EGFR: variants seen among roughly 807,000 people sequenced by gnomAD.
EGFR encodes the protein avian erythroblastic leukemia viral (v-erb-b) oncogene homolog.
Under a neutral mutation model 143.0 loss-of-function variants are expected in EGFR, and 58 were observed. The observed-to-expected ratio is 0.41, with a 90% CI of 0.33 to 0.50. The LOEUF is 0.50. Among genes scored for constraint, EGFR ranks in the 20% least tolerant of loss-of-function variants. EGFR has a pLI of 0.39. For missense variants in EGFR, 1,307 were observed against 1,579.0 expected, an observed-to-expected ratio of 0.83 and a Z score of 2.92; for synonymous variants, 613 against 594.4, an observed-to-expected ratio of 1.03 and a Z score of -0.45.
In EGFR at chr7:55,151,434, T is replaced by C. The variant is rs1785145556; in HGVS notation, c.628+72T>C. The C allele has an allele frequency of 2.0e-6, 3 of 1,522,962 alleles. No homozygotes were observed. In the South Asian group the frequency reaches 3.4e-5, roughly 17 times the overall value. The allele number at this position is 1,522,962 out of a possible 1,614,324, so 94.3% of individuals were successfully genotyped here. A position where few individuals can be genotyped will look rare whatever the true frequency, so the allele number is the denominator to read the frequency against. ...TCCTTCACTTGCTTAGGTGATTGGA[T>C]TTGTTTTCCCTCTGAAGACTCCAAA... On this transcript the variant is annotated intron_variant, in intron 5 of 27. Transcript: ENST00000275493.
intron 22 of EGFR, among the ~76,000 whole-genome samples, chr7:55,197,493 C>T (rs760536452): frequency 5.9e-5 from 9 of 152,084 alleles, no homozygotes; most frequent in Non-Finnish European, 1.3e-4. Context: ...GTTTGGATGT[C>T]CATTATTTCT....
chr7:55,122,483 G>A (rs939077737), intron 1 of EGFR, among the ~76,000 whole-genome samples: 8 of 152,172 alleles, frequency 5.3e-5, no homozygotes, highest in Non-Finnish European at 1.2e-4. Context: ...TCCTACCCTC[G>A]CCCTCAAGAG....
intron 23 of EGFR, 148 bp from the exon 24 acceptor site, chr7:55,200,168 A>G: frequency 1.3e-6 from 1 of 797,834 alleles, no homozygotes; most frequent in Non-Finnish European, 2.2e-6. Context: ...TAGCTGGCCA[A>G]GACAGAAAAG....
At chr7:55,055,387 T>C (rs567411798) in intron 1 of EGFR, among the ~76,000 whole-genome samples, 1 of 152,338 alleles carries the variant, frequency 6.6e-6, no homozygotes, top group African/African-American at 2.4e-5. Flanking sequence ...ATCGCTGTTC[T>C]AACGTGCAGA....
intron 1 of EGFR, among the ~76,000 whole-genome samples, chr7:55,115,546 G>A (rs1308978721): frequency 1.3e-5 from 2 of 152,154 alleles, no homozygotes; most frequent in Non-Finnish European, 2.9e-5. Context: ...TATAATCAAT[G>A]GCAGTAAGGG....
chr7:55,197,803 T>C (rs954683414), intron 22 of EGFR, among the ~76,000 whole-genome samples: 22 of 152,232 alleles, frequency 1.4e-4, no homozygotes, highest in African/African-American at 4.8e-4. Flanking sequence ...ATCACATTTA[T>C]TGATTTGCAT....
chr7:55,024,156 G>T (rs1421488383), intron 1 of EGFR, among the ~76,000 whole-genome samples: 3 of 152,214 alleles, frequency 2.0e-5, no homozygotes, highest in East Asian at 3.8e-4. Flanking sequence ...GAGCAGGAGG[G>T]GTAGTTGGGG....
intron 1 of EGFR, among the ~76,000 whole-genome samples, chr7:55,131,544 A>T (rs1442874161): frequency 1.3e-5 from 2 of 152,148 alleles, no homozygotes; most frequent in Non-Finnish European, 2.9e-5. Context: ...GCACCATGCG[A>T]GCTTAGACCT....
intron 1 of EGFR, among the ~76,000 whole-genome samples, chr7:55,067,261 C>CAAAAGAACAGTTGTTTTG (rs1562685482): frequency 1.3e-5 from 2 of 151,804 alleles, no homozygotes; most frequent in African/African-American, 4.9e-5. Flanking sequence ...AAAGTGCTGT[C>CAAAAGAACAGTTGTTTTG]GTCTCCTGCA....
intron 1 of EGFR, among the ~76,000 whole-genome samples, chr7:55,041,942 A>G (rs899430341): frequency 1.3e-5 from 2 of 152,228 alleles, no homozygotes; most frequent in African/African-American, 4.8e-5. Context: ...CTCTTCATAT[A>G]GAAGGATCTA....
At chr7:55,096,985 C>T (rs1158552518) in intron 1 of EGFR, among the ~76,000 whole-genome samples, 1 of 152,222 alleles carries the variant, frequency 6.6e-6, no homozygotes, top group Non-Finnish European at 1.5e-5. Context: ...CTGTCCTCCA[C>T]ACGCATATCC....
At chr7:55,130,100 G>C (rs959403739) in intron 1 of EGFR, among the ~76,000 whole-genome samples, 1 of 152,200 alleles carries the variant, frequency 6.6e-6, no homozygotes, top group African/African-American at 2.4e-5. Flanking sequence ...GCTGTATTCA[G>C]AGGAGGTTTA....
At chr7:55,181,879 G>A in intron 20 of EGFR, 1 of 318,978 alleles carries the variant, frequency 3.1e-6, no homozygotes, top group Non-Finnish European at 6.0e-6. Context: ...CCAGGTGATA[G>A]TGGTGGAGTG....
intron 1 of EGFR, among the ~76,000 whole-genome samples, chr7:55,084,973 C>A (rs1411517593): frequency 1.3e-5 from 2 of 152,008 alleles, no homozygotes; most frequent in South Asian, 2.1e-4. Context: ...ACTCAGTGAG[C>A]GGAGAGTCAA....
intron 1 of EGFR, among the ~76,000 whole-genome samples, chr7:55,114,892 T>G (rs1188096554): frequency 6.7e-6 from 1 of 148,734 alleles, no homozygotes; most frequent in South Asian, 2.1e-4. Flanking sequence ...TTTTTTTTTT[T>G]TTTTTTTGAG....
chr7:55,170,921 C>T, intron 15 of EGFR: 1 of 1,419,922 alleles, frequency 7.0e-7, no homozygotes, highest in Non-Finnish European at 9.2e-7. Flanking sequence ...CAATAACAAA[C>T]TGGCTGCTTT....
chr7:55,051,220 C>T (rs1788470873), intron 1 of EGFR, among the ~76,000 whole-genome samples: 1 of 152,054 alleles, frequency 6.6e-6, no homozygotes, highest in Non-Finnish European at 1.5e-5. Context: ...CAGGCATGGC[C>T]CAGGGAGGCT....
At chr7:55,203,441 C>T (rs899223900) in intron 27 of EGFR, among the ~76,000 whole-genome samples, 4 of 147,528 alleles carry the variant, frequency 2.7e-5, no homozygotes, top group Non-Finnish European at 4.5e-5. Context: ...CACGTACACA[C>T]ACTACAGACA....
intron 19 of EGFR, among the ~76,000 whole-genome samples, chr7:55,179,224 C>T (rs1786743558): frequency 6.6e-6 from 1 of 152,192 alleles, no homozygotes; most frequent in Non-Finnish European, 1.5e-5. Flanking sequence ...TGATGACTGC[C>T]TCAAAGCAGT....
Sources: gnomAD v4.1 joint callset for allele counts (sites outside exome capture counted in the v4.1 genomes callset) on GRCh38, gnomAD v4.1.1 for gene constraint, MANE v1.5 for transcripts, NCBI Gene and HGNC (gene_info 2026-07-23, HGNC 2026-07-21) for gene names.